The following PIAS4 variants were observed in gnomAD, a reference collection of about 807,000 sequenced individuals.
The protein encoded by PIAS4 is E3 SUMO-protein ligase PIAS4.
Under a neutral mutation model 58.0 loss-of-function variants are expected in PIAS4, and 7 were observed. The ratio of observed to expected loss-of-function variants is 0.12; its 90% CI spans 0.07 to 0.23. PIAS4 has a LOEUF of 0.23. Among genes scored for constraint, PIAS4 ranks in the 10% least tolerant of loss-of-function variants. The probability of loss-of-function intolerance (pLI) is 1.00; values close to 1 mark genes in which losing one functional copy is unlikely to be tolerated. For missense variants in PIAS4, 550 were observed against 709.5 expected, an observed-to-expected ratio of 0.78 and a Z score of 2.55; for synonymous variants, 364 against 312.4, an observed-to-expected ratio of 1.17 and a Z score of -1.74.
chr19:4,017,083 G>A (rs1444448653), intron 2 of PIAS4, among the ~76,000 whole-genome samples: 1 of 152,158 alleles, frequency 6.6e-6, no homozygotes, highest in East Asian at 1.9e-4. Context: ...TGGGCACGGA[G>A]CGTCCTGTGT....
At chr19:4,014,809 G>C (rs1197188281) in intron 2 of PIAS4, among the ~76,000 whole-genome samples, 1 of 152,250 alleles carries the variant, frequency 6.6e-6, no homozygotes, top group Non-Finnish European at 1.5e-5. Flanking sequence ...CAGGGAGGCA[G>C]CGTTGATGGG....
chr19:4,037,995 C>T lies in PIAS4; in HGVS notation c.*120C>T. 9.7e-6 allele frequency: 11 copies of T among 1,128,572 alleles called. No individual in the cohort carries two copies. The highest frequency in any genetic ancestry group is 7.8e-5 in the East Asian group (3 of 38,642). The allele number at this position is 1,128,572 out of a possible 1,614,324, so 69.9% of individuals were successfully genotyped here. A position where few individuals can be genotyped will look rare whatever the true frequency, so the allele number is the denominator to read the frequency against. ...TTTATTGTCGTTCGTTTTGTTTTTC[C>T]ACCCTTTTGCCTGGCTCCTGGCACC... is the stretch of plus-strand genomic sequence containing the variant. On this transcript the variant is annotated 3_prime_UTR_variant, in exon 11 of 11. Coordinates refer to ENST00000262971, the MANE Select transcript of PIAS4 (RefSeq NM_015897.4). This position sits in a 1 kb window ranked among gnomAD's most constrained non-coding sequence, Gnocchi z 5.8.
At position 4,038,274 on chromosome 19, in the gene PIAS4, G is replaced by A. The variant is rs898778440; in HGVS notation, c.*399G>A. On this transcript the variant is annotated 3_prime_UTR_variant, in exon 11 of 11. Transcript: ENST00000262971. This position sits in a 1 kb window ranked among gnomAD's most constrained non-coding sequence, Gnocchi z 4.1. Reference sequence around the variant, plus strand: ...TGCCCACGACCATTCCAGCCAGTGCGCGGGGACCCGGGCGGCGGGCGGTGG... The same window carrying A: ...TGCCCACGACCATTCCAGCCAGTGCACGGGGACCCGGGCGGCGGGCGGTGG... 7 of 157,080 alleles carry A rather than the reference G, an allele frequency of 4.5e-5. No homozygotes were observed. The highest frequency in any genetic ancestry group is 1.9e-4 in the East Asian group (1 of 5,282). 9.7% of individuals were successfully genotyped at this position (157,080 alleles called of 1,614,324 possible).
intron 5 of PIAS4, 28 bp from the exon 6 acceptor site, chr19:4,028,692 C>T (rs10418588): frequency 1.5e-5 from 24 of 1,602,796 alleles, no homozygotes; most frequent in African/African-American, 2.7e-5. Flanking sequence ...GCTCTTGGCT[C>T]GAGGCTGAGC....
chr19:4,021,407 A>G (rs1013832896), intron 2 of PIAS4, among the ~76,000 whole-genome samples: 1 of 151,998 alleles, frequency 6.6e-6, no homozygotes, highest in Non-Finnish European at 1.5e-5. Flanking sequence ...TCGCCTCCAC[A>G]GTGCTGGGAT....
Position 4,013,243 on chromosome 19 carries a change from A to G in PIAS4, c.348A>G (p.Leu116=). The change falls in exon 2 of 11, where the codon TTA becomes TTG. Residue 116 remains leucine, a synonymous_variant. Transcript: ENST00000262971. This position sits in a 1 kb window ranked among gnomAD's most constrained non-coding sequence, Gnocchi z 5.1. ...IDYPVLYGKY[L]NGLGRLPAKT... ...ACCCCGTGCTCTACGGAAAGTACTTAAACGGACTGGGACGGTTGCCCGCCA... is the reference window on the plus strand; with the variant it reads ...ACCCCGTGCTCTACGGAAAGTACTTGAACGGACTGGGACGGTTGCCCGCCA... 1 of 1,613,442 alleles carries G rather than the reference A, an allele frequency of 6.2e-7. No homozygotes were observed. The highest frequency in any genetic ancestry group is 8.5e-7 in the Non-Finnish European group (1 of 1,180,000).
At chr19:4,008,434 G>A (rs1406302612) in intron 1 of PIAS4, among the ~76,000 whole-genome samples, 1 of 152,050 alleles carries the variant, frequency 6.6e-6, no homozygotes, top group Non-Finnish European at 1.5e-5. Context: ...CCCCTCTTCA[G>A]CTCCTGCATT....
intron 1 of PIAS4, among the ~76,000 whole-genome samples, chr19:4,011,643 G>C (rs1235336186): frequency 1.3e-5 from 2 of 151,846 alleles, no homozygotes; most frequent in East Asian, 3.9e-4. Context: ...GGTGTGTTTG[G>C]TGTGGAGGTG....
intron 2 of PIAS4, among the ~76,000 whole-genome samples, chr19:4,023,305 C>T (rs2040129307): frequency 6.6e-6 from 1 of 151,974 alleles, no homozygotes; most frequent in Non-Finnish European, 1.5e-5. Context: ...ATGGCGAAAT[C>T]CCATCTCTAC....
At chr19:4,012,646 C>T (rs374777998) in intron 1 of PIAS4, among the ~76,000 whole-genome samples, 32 of 151,822 alleles carry the variant, frequency 2.1e-4, no homozygotes, top group African/African-American at 7.8e-4. Context: ...AGGCTGAAGA[C>T]AGGGAAAGAG....
At chr19:4,036,960 C>T (rs2040303811) in intron 9 of PIAS4, among the ~76,000 whole-genome samples, 2 of 152,038 alleles carry the variant, frequency 1.3e-5, no homozygotes, top group African/African-American at 4.8e-5. Flanking sequence ...CACACATGCA[C>T]ACGTGCACAC....
intron 1 of PIAS4, among the ~76,000 whole-genome samples, chr19:4,008,312 C>G (rs1326189924): frequency 1.3e-5 from 2 of 152,224 alleles, no homozygotes; most frequent in South Asian, 2.1e-4. Flanking sequence ...AAGGGTCCCC[C>G]GAGTCCTGGA....
intron 1 of PIAS4, 39 bp from the exon 2 acceptor site, chr19:4,012,884 C>G (rs1388900912): frequency 1.3e-6 from 2 of 1,572,668 alleles, no homozygotes; most frequent in Admixed American, 3.5e-5. Flanking sequence ...TGCCTCGCAG[C>G]TGTGTCCTCT....
chr19:4,023,994 G>C (rs200823953), intron 2 of PIAS4, 42 bp from the exon 3 acceptor site: 1 of 1,405,368 alleles, frequency 7.1e-7, no homozygotes, highest in Non-Finnish European at 1.0e-6. Context: ...CGGGGGACCT[G>C]CCAGGGACCA....
In PIAS4 at chr19:4,013,117, C is replaced by T. The variant is rs202107685; in HGVS notation, c.222C>T (p.Ala74=). 8 of 1,613,382 alleles carry T rather than the reference C, an allele frequency of 5.0e-6. No homozygotes were observed. In the African/African-American group the frequency reaches 1.1e-4, roughly 22 times the overall value. Residue 74 remains alanine, a synonymous_variant, in exon 2 of 11, where the codon GCC becomes GCT. Transcript: ENST00000262971. The surrounding 1 kb of genome is among the most constrained non-coding windows in gnomAD (Gnocchi z 5.1). ...ACGCCAAGAAGAACTCGGAGCCTGC[C>T]CCACAGCCGCACCGGCCCCTGGACC... The part of the protein sequence containing the change: ...TRYAKKNSEP[A]PQPHRPLDPL...
At chr19:4,010,351 G>A (rs1028468612) in intron 1 of PIAS4, among the ~76,000 whole-genome samples, 1 of 152,240 alleles carries the variant, frequency 6.6e-6, no homozygotes, top group Admixed American at 6.5e-5. Context: ...CCCGGGGTGC[G>A]AGGATGTCAG....
intron 3 of PIAS4, among the ~76,000 whole-genome samples, chr19:4,027,359 G>C (rs139723409): frequency 6.6e-5 from 10 of 152,196 alleles, no homozygotes; most frequent in Non-Finnish European, 1.3e-4. Context: ...GCCTGGGTCT[G>C]AGCCTGGCTC....
At chr19:4,028,437 C>A in intron 4 of PIAS4, 73 bp from the exon 5 acceptor site, 4 of 1,127,892 alleles carry the variant, frequency 3.5e-6, no homozygotes, top group Non-Finnish European at 3.9e-6. Context: ...GGCTACCACT[C>A]GTGTACCCCC....
intron 2 of PIAS4, among the ~76,000 whole-genome samples, chr19:4,016,680 G>A (rs546658727): frequency 3.5e-4 from 53 of 152,190 alleles, no homozygotes; most frequent in African/African-American, 1.3e-3. Flanking sequence ...GTCCAGACCC[G>A]AGGGTGACTC....
Sources: gnomAD v4.1 joint callset for allele counts (sites outside exome capture counted in the v4.1 genomes callset) on GRCh38, gnomAD v4.1.1 for gene constraint, Gnocchi (gnomAD v3.1) non-coding constraint, MANE v1.5 for transcripts, NCBI Gene and HGNC (gene_info 2026-07-23, HGNC 2026-07-21) for gene names.